Variants in DNAJC1 observed in about 807,000 individuals in gnomAD.
The protein encoded by DNAJC1 is dnaJ homolog subfamily C member 1.
A neutral mutation model predicts 76.6 loss-of-function variants in DNAJC1; 58 were observed. The ratio of observed to expected loss-of-function variants is 0.76; its 90% CI spans 0.61 to 0.94. The LOEUF (loss-of-function observed/expected upper bound fraction) is 0.94. Among genes scored for constraint, DNAJC1 ranks in the 40% least tolerant of loss-of-function variants. The pLI is 0.00. For synonymous variants in DNAJC1, 258 were observed against 267.9 expected, an observed-to-expected ratio of 0.96 and a Z score of 0.36; for missense variants, 689 against 677.3, an observed-to-expected ratio of 1.02 and a Z score of -0.19.
intron 8 of DNAJC1, among the ~76,000 whole-genome samples, chr10:21,881,636 G>A (rs563795828): frequency 1.3e-5 from 2 of 152,042 alleles, no homozygotes; most frequent in South Asian, 4.2e-4. Flanking sequence ...TTACATGTGT[G>A]CACTTCACGG....
chr10:21,996,984 T>C (rs1838426056), intron 1 of DNAJC1, among the ~76,000 whole-genome samples: 1 of 152,204 alleles, frequency 6.6e-6, no homozygotes, highest in Non-Finnish European at 1.5e-5. Context: ...ATTCTGTGTA[T>C]CTCTTTCTCC....
chr10:21,913,520 CTAAGTTA>C, intron 6 of DNAJC1, among the ~76,000 whole-genome samples: 1 of 152,180 alleles, frequency 6.6e-6, no homozygotes, highest in Non-Finnish European at 1.5e-5. Flanking sequence ...CGAAAATAAA[CTAAGTTA>C]TAACAGCTAA....
intron 1 of DNAJC1, among the ~76,000 whole-genome samples, chr10:21,985,928 T>TA (rs542204939): frequency 2.4e-4 from 36 of 148,408 alleles, no homozygotes; most frequent in African/African-American, 5.2e-4. Context: ...ACTTTTTTAT[T>TA]AAAAAAAAAA....
chr10:21,823,662 C>T (rs1835195104), intron 8 of DNAJC1, among the ~76,000 whole-genome samples: 1 of 151,684 alleles, frequency 6.6e-6, no homozygotes, highest in South Asian at 2.1e-4. Flanking sequence ...CTTTTGGCTT[C>T]CCTGGGCCAC....
chr10:21,892,609 C>CAT lies in DNAJC1; in HGVS notation c.821-10172_821-10171dup, dbSNP rs905728200. ...AACACATGGTTTTTCATCTTTTTTACATATATATATATATGCTATCTATAA... is the reference window on the plus strand; with the variant it reads ...AACACATGGTTTTTCATCTTTTTTACATATATATATATATATGCTATCTATAA... On this transcript the variant is annotated intron_variant, in intron 7 of 11. Coordinates refer to ENST00000376980, the MANE Select transcript of DNAJC1 (RefSeq NM_022365.4). Among the ~76,000 whole-genome samples the CAT allele has an allele frequency of 4.7e-4, 71 of 149,916 alleles. No individual in the cohort carries two copies. In the Middle Eastern group the frequency reaches 0.01, roughly 22 times the overall value.
At chr10:21,794,374 T>C (rs1834729468) in intron 9 of DNAJC1, among the ~76,000 whole-genome samples, 1 of 151,934 alleles carries the variant, frequency 6.6e-6, no homozygotes. Context: ...ATTTGCATAT[T>C]GAAAACACTG....
At chr10:21,759,075 G>T in intron 11 of DNAJC1, 95 bp downstream of exon 11, 1 of 1,239,732 alleles carries the variant, frequency 8.1e-7, no homozygotes, top group Non-Finnish European at 1.1e-6. Flanking sequence ...GGTGTCAGTA[G>T]ATAGGAATGA....
chr10:21,944,878 G>T (rs893215173), intron 1 of DNAJC1, among the ~76,000 whole-genome samples: 2 of 152,178 alleles, frequency 1.3e-5, no homozygotes, highest in Non-Finnish European at 2.9e-5. Flanking sequence ...ACTTGCATAA[G>T]CAAGGATACT....
At chr10:21,910,115 CT>C (rs11362698) in intron 6 of DNAJC1, among the ~76,000 whole-genome samples, 13,784 of 145,824 alleles carry the variant, frequency 0.095, 1,416 homozygotes, top group African/African-American at 0.27. Flanking sequence ...TACATTAAAC[CT>C]TTTTTTTTTT....
At position 21,771,622 on chromosome 10, in the gene DNAJC1, C is replaced by T. The variant is rs566056120; in HGVS notation, c.1099-5313G>A. Among the ~76,000 whole-genome samples, 214 of 152,130 alleles carry T rather than the reference C, an allele frequency of 1.4e-3. 1 individual carries two copies. The highest frequency in any genetic ancestry group is 4.8e-3 in the African/African-American group (201 of 41,526). Reference sequence around the variant, plus strand: ...AAGTGATTCTCCTGCCTCAGCCTCCCGAGTAGCTGGGATTACAGGTGCGTG... The same window carrying T: ...AAGTGATTCTCCTGCCTCAGCCTCCTGAGTAGCTGGGATTACAGGTGCGTG... On this transcript the variant is annotated intron_variant, in intron 9 of 11. Transcript: ENST00000376980.
chr10:21,893,663 C>T (rs1227537820), intron 7 of DNAJC1, among the ~76,000 whole-genome samples: 4 of 151,502 alleles, frequency 2.6e-5, no homozygotes, highest in Admixed American at 2.0e-4. Context: ...ATATATGAGA[C>T]ATAGCCAAAG....
intron 7 of DNAJC1, among the ~76,000 whole-genome samples, chr10:21,900,901 T>C (rs1330122422): frequency 2.0e-5 from 3 of 152,190 alleles, no homozygotes; most frequent in African/African-American, 4.8e-5. Context: ...CCTTCTTCCC[T>C]ACCAACCCCT....
intron 1 of DNAJC1, among the ~76,000 whole-genome samples, chr10:21,941,158 A>C (rs1837403780): frequency 1.3e-5 from 2 of 149,602 alleles, no homozygotes; most frequent in Admixed American, 1.3e-4. Context: ...AGTCCCAGCT[A>C]CTCGGGAGGC....
intron 8 of DNAJC1, among the ~76,000 whole-genome samples, chr10:21,823,553 G>A (rs1358712223): frequency 9.2e-5 from 14 of 151,900 alleles, no homozygotes; most frequent in Admixed American, 9.2e-4. Flanking sequence ...TCAATAAAAA[G>A]TTATTGTCAT....
chr10:21,909,358 T>C (rs1836815521), intron 6 of DNAJC1, among the ~76,000 whole-genome samples: 1 of 152,240 alleles, frequency 6.6e-6, no homozygotes, highest in African/African-American at 2.4e-5. Context: ...ATATTTATGC[T>C]TATTTATTGA....
chr10:21,908,207 AATATATATTATATATAAT>A (rs1308426056), intron 6 of DNAJC1, among the ~76,000 whole-genome samples: 2 of 91,060 alleles, frequency 2.2e-5, no homozygotes, highest in East Asian at 3.1e-4. Flanking sequence ...ATATATATAA[AATATATATTATATATAAT>A]ATATATAAAA....
chr10:21,826,614 T>C (rs1268899332), intron 8 of DNAJC1, among the ~76,000 whole-genome samples: 1 of 152,236 alleles, frequency 6.6e-6, no homozygotes, highest in African/African-American at 2.4e-5. Flanking sequence ...TATGTTTTCT[T>C]CTACTAGTTT....
At chr10:21,888,075 G>A (rs1441809740) in intron 7 of DNAJC1, among the ~76,000 whole-genome samples, 2 of 152,006 alleles carry the variant, frequency 1.3e-5, no homozygotes, top group Non-Finnish European at 2.9e-5. Context: ...GTGGGCAAAT[G>A]ACATAAACAG....
chr10:21,953,588 G>C (rs1019162993), intron 1 of DNAJC1, among the ~76,000 whole-genome samples: 5 of 151,462 alleles, frequency 3.3e-5, no homozygotes, highest in African/African-American at 1.2e-4. Flanking sequence ...GAAAGATACA[G>C]GAAATGTTTT....
Sources: allele counts gnomAD v4.1 joint callset (sites outside exome capture counted in the v4.1 genomes callset), GRCh38; gene constraint gnomAD v4.1.1; transcripts MANE v1.5; gene names NCBI Gene and HGNC (gene_info 2026-07-23, HGNC 2026-07-21).